The following LZTFL1 variants were observed in gnomAD, a reference collection of about 807,000 sequenced individuals.
LZTFL1 encodes leucine zipper transcription factor-like protein 1.
LZTFL1 carries 25 observed loss-of-function variants against 45.9 expected under a neutral mutation model. The ratio of observed to expected loss-of-function variants is 0.54; its 90% CI spans 0.40 to 0.76. The LOEUF (loss-of-function observed/expected upper bound fraction) is 0.76. LZTFL1 is among the 30% of genes least tolerant of loss of function. LZTFL1 has a pLI of 0.00. For synonymous variants in LZTFL1, 93 were observed against 117.4 expected, an observed-to-expected ratio of 0.79 and a Z score of 1.35; for missense variants, 277 against 331.1, an observed-to-expected ratio of 0.84 and a Z score of 1.27.
At chr3:45,856,972 A>T (rs935254871) in intron 3 of LZTFL1, among the ~76,000 whole-genome samples, 1 of 152,222 alleles carries the variant, frequency 6.6e-6, no homozygotes, top group African/African-American at 2.4e-5. Context: ...CAATTCGTCA[A>T]AGATGTAGAA....
intron 2 of LZTFL1, among the ~76,000 whole-genome samples, chr3:45,859,482 C>T (rs1038588903): frequency 2.6e-5 from 4 of 152,188 alleles, no homozygotes; most frequent in African/African-American, 9.7e-5. Flanking sequence ...CCACCTTGGC[C>T]TCCCAAAGTG....
At chr3:45,840,864 C>G (rs1701090822) in intron 1 of LZTFL1, among the ~76,000 whole-genome samples, 2 of 152,188 alleles carry the variant, frequency 1.3e-5, no homozygotes, top group Admixed American at 1.3e-4. Flanking sequence ...TTTAATAATA[C>G]CTATCAGATA....
At chr3:45,914,823 C>T (rs1490959530) in intron 1 of LZTFL1, among the ~76,000 whole-genome samples, 1 of 152,220 alleles carries the variant, frequency 6.6e-6, no homozygotes, top group Admixed American at 6.5e-5. Context: ...TGGTCACCTT[C>T]AGGGCATGAA....
At chr3:45,908,962 C>T (rs1434513745) in intron 2 of LZTFL1, among the ~76,000 whole-genome samples, 1 of 152,148 alleles carries the variant, frequency 6.6e-6, no homozygotes. Flanking sequence ...TCCCCATCGC[C>T]TGCATCACCG....
intron 2 of LZTFL1, among the ~76,000 whole-genome samples, chr3:45,891,252 G>A (rs1184148353): frequency 6.6e-6 from 1 of 152,144 alleles, no homozygotes; most frequent in Non-Finnish European, 1.5e-5. Context: ...CCTGTTCCAG[G>A]CTTTCTTGTG....
intron 2 of LZTFL1, among the ~76,000 whole-genome samples, chr3:45,904,404 C>T (rs1187356795): frequency 6.6e-6 from 1 of 152,178 alleles, no homozygotes; most frequent in Non-Finnish European, 1.5e-5. Context: ...ACTGACTAGA[C>T]CAGGACTGGA....
In LZTFL1 at chr3:45,900,762, C is replaced by T; in HGVS notation, c.-215+12358G>A. The T allele has an allele frequency of 6.4e-7, 1 of 1,562,256 alleles. No homozygotes were observed. The highest frequency in any genetic ancestry group is 8.7e-7 in the Non-Finnish European group (1 of 1,153,822). ...CCATGCCTCTGCCATCAGACAGGAC[C>T]TTCAAAATATTTTCCTTGACCTAAT... On this transcript the variant is annotated intron_variant, in intron 2 of 4. Coordinates refer to the LZTFL1 transcript ENST00000472635. The surrounding 1 kb of genome is among the most constrained non-coding windows in gnomAD (Gnocchi z 4.7).
chr3:45,850,336 G>C (rs1701288345), intron 4 of LZTFL1, among the ~76,000 whole-genome samples: 1 of 152,148 alleles, frequency 6.6e-6, no homozygotes, highest in Admixed American at 6.5e-5. Flanking sequence ...TCGATGGAAG[G>C]ACATGCATGA....
At chr3:45,846,916 C>T (rs902757463), upstream of LZTFL1, among the ~76,000 whole-genome samples, 9 of 151,890 alleles carry the variant, frequency 5.9e-5, no homozygotes, top group Admixed American at 2.6e-4. Context: ...GTCCTTCTTC[C>T]GCCATTTGCA....
At chr3:45,867,476 G>T (rs971706850) in intron 2 of LZTFL1, among the ~76,000 whole-genome samples, 1 of 152,006 alleles carries the variant, frequency 6.6e-6, no homozygotes, top group South Asian at 2.1e-4. Context: ...CTTGCTTAAA[G>T]AATCTTTGGG....
chr3:45,901,893 C>A lies in LZTFL1; in HGVS notation c.-215+11227G>T. On this transcript the variant is annotated intron_variant, in intron 2 of 4. Transcript: ENST00000472635. This position sits in a 1 kb window ranked among gnomAD's most constrained non-coding sequence, Gnocchi z 4.3. ...GGAGACAACCTCAGGAGCACTCTCCCTCTGAGGGGTCTTCTCTGAGGTGCA... is the reference window on the plus strand; with the variant it reads ...GGAGACAACCTCAGGAGCACTCTCCATCTGAGGGGTCTTCTCTGAGGTGCA... The A allele has an allele frequency of 6.3e-7, 1 of 1,587,398 alleles. No homozygotes were observed. The highest frequency in any genetic ancestry group is 8.6e-7 in the Non-Finnish European group (1 of 1,164,200).
At chr3:45,828,351 A>G (rs1006721706) in intron 8 of LZTFL1, 88 bp downstream of exon 8, 3 of 1,165,246 alleles carry the variant, frequency 2.6e-6, no homozygotes, top group African/African-American at 1.5e-5. Context: ...GCAGTTGTCC[A>G]ACGTTTATCT....
In LZTFL1 at chr3:45,825,156, G is replaced by A. The variant is rs1301900542; in HGVS notation, c.*1158C>T. ...TCTTGGAATAAAATCTTCATTTGTG[G>A]AAATGGAATGATGTCTCTTAGTAGA... On this transcript the variant is annotated 3_prime_UTR_variant, in exon 10 of 10. Transcript: ENST00000296135. The A allele has an allele frequency of 2.6e-5, 9 of 343,156 alleles. No individual in the cohort carries two copies. The highest frequency in any genetic ancestry group is 4.7e-5 in the Non-Finnish European group (9 of 192,060). The allele number at this position is 343,156 out of a possible 1,614,324, so 21.3% of individuals were successfully genotyped here. A position where few individuals can be genotyped will look rare whatever the true frequency, so the allele number is the denominator to read the frequency against.
intron 2 of LZTFL1, among the ~76,000 whole-genome samples, chr3:45,911,982 T>C (rs1257421049): frequency 6.6e-6 from 1 of 152,274 alleles, no homozygotes; most frequent in Non-Finnish European, 1.5e-5. Context: ...AAGCATCTTA[T>C]TCCTGCCACC....
At chr3:45,915,248 G>A (rs1443867766) in intron 1 of LZTFL1, among the ~76,000 whole-genome samples, 1 of 152,098 alleles carries the variant, frequency 6.6e-6, no homozygotes, top group Non-Finnish European at 1.5e-5. Flanking sequence ...AAGCAGCCCT[G>A]GGTCCAGCCC....
intron 2 of LZTFL1, among the ~76,000 whole-genome samples, chr3:45,890,346 A>AT (rs374089134): frequency 9.4e-3 from 177 of 18,924 alleles, no homozygotes; most frequent in African/African-American, 0.021. Flanking sequence ...ACATATATAT[A>AT]TAACATATAT....
chr3:45,866,447 G>A (rs1010401712), intron 2 of LZTFL1, among the ~76,000 whole-genome samples: 4 of 152,082 alleles, frequency 2.6e-5, no homozygotes, highest in Non-Finnish European at 4.4e-5. Flanking sequence ...AAAGTTTCAC[G>A]TCCACCATAC....
intron 2 of LZTFL1, among the ~76,000 whole-genome samples, chr3:45,904,496 G>A (rs1393363095): frequency 6.6e-6 from 1 of 152,116 alleles, no homozygotes; most frequent in Non-Finnish European, 1.5e-5. Context: ...AGCTGACACA[G>A]CTCCTGAGAG....
rs560506883 is a variant in LZTFL1 at position 45,879,890 on chromosome 3, C to A, written c.-214-20874G>T. On this transcript the variant is annotated intron_variant, in intron 2 of 4. Transcript: ENST00000472635. Reference sequence around the variant, plus strand: ...TGATAAAAATATGTATTTAAAAAAACCCATAAGCACTTCTCAGTGAATAAT... The same window carrying A: ...TGATAAAAATATGTATTTAAAAAAAACCATAAGCACTTCTCAGTGAATAAT... Among the ~76,000 whole-genome samples the A allele has an allele frequency of 6.0e-4, 92 of 152,288 alleles. 4 individuals carry two copies. The South Asian group carries it at 0.018, about 29-fold the overall frequency.
Sources: allele counts gnomAD v4.1 joint callset (sites outside exome capture counted in the v4.1 genomes callset), GRCh38; gene constraint gnomAD v4.1.1; non-coding constraint Gnocchi (gnomAD v3.1); transcripts MANE v1.5; gene names NCBI Gene and HGNC (gene_info 2026-07-23, HGNC 2026-07-21).